WDR89: variants seen among roughly 807,000 people sequenced by gnomAD.
WDR89 encodes the protein WD repeat-containing protein 89.
WDR89 carries 17 observed loss-of-function variants against 29.1 expected under a neutral mutation model. The observed-to-expected ratio is 0.58, with a 90% confidence interval of 0.40 to 0.88. The LOEUF is 0.88. Among genes scored for constraint, WDR89 ranks in the 40% least tolerant of loss-of-function variants. WDR89 has a pLI of 0.00. For synonymous variants in WDR89, 138 were observed against 157.8 expected (o/e 0.87, Z 0.94); for missense variants, 396 against 456.3 (o/e 0.87, Z 1.20).
At chr14:63,610,163 T>G (rs924681800) in intron 2 of WDR89, among the ~76,000 whole-genome samples, 8 of 137,174 alleles carry the variant, frequency 5.8e-5, no homozygotes, top group Middle Eastern at 8.1e-3. Context: ...AAGGCTGCAG[T>G]GAGCCAAAGT....
At chr14:63,618,234 A>C (rs1306230759) in intron 2 of WDR89, 4 of 152,326 alleles carry the variant, frequency 2.6e-5, no homozygotes, top group Admixed American at 2.6e-4. Context: ...GCCTCACTAC[A>C]ATGTCAGCAT....
intron 1 of WDR89, among the ~76,000 whole-genome samples, chr14:63,635,283 A>G (rs1324246613): frequency 1.3e-5 from 2 of 152,190 alleles, no homozygotes; most frequent in Admixed American, 1.3e-4. Context: ...ATCCTCCATG[A>G]TCAAGTAGGT....
At chr14:63,632,827 T>C (rs987111163) in intron 1 of WDR89, among the ~76,000 whole-genome samples, 1 of 152,132 alleles carries the variant, frequency 6.6e-6, no homozygotes, top group African/African-American at 2.4e-5. Context: ...TCATTACCAT[T>C]CTCGGTTACC....
intron 1 of WDR89, among the ~76,000 whole-genome samples, chr14:63,625,356 T>A (rs752512258): frequency 2.5e-4 from 38 of 149,932 alleles, no homozygotes; most frequent in Admixed American, 3.9e-4. Flanking sequence ...ATTCTGTATC[T>A]TAATCAGGGT....
chr14:63,631,913 A>ACCAGCCTGG (rs1883429667), intron 1 of WDR89, among the ~76,000 whole-genome samples: 1 of 151,988 alleles, frequency 6.6e-6, no homozygotes, highest in African/African-American at 2.4e-5. Flanking sequence ...GGAGTTTGAG[A>ACCAGCCTGG]CCAGCCTGGC....
rs534380095 is a variant in WDR89, at chr14:63,625,053, C to T, written c.-137-20G>A. Reference sequence around the variant, plus strand: ...AAATACCTAGAAAAAAACAGAAATACGGGTAAGCTTAAGCACAAAAAAATA... The same window carrying T: ...AAATACCTAGAAAAAAACAGAAATATGGGTAAGCTTAAGCACAAAAAAATA... On this transcript the variant is annotated intron_variant, in intron 1 of 2. Coordinates refer to ENST00000620954, the MANE Select transcript of WDR89 (RefSeq NM_080666.4). 6.6e-6 allele frequency: 1 copy of T among 151,768 alleles called. No individual in the cohort carries two copies. Among genetic ancestry groups the T allele is most frequent in the Non-Finnish European group, 1.5e-5 (1 of 67,946 alleles). 9.4% of individuals were successfully genotyped at this position (151,768 alleles called of 1,614,324 possible).
At chr14:63,614,229 T>C (rs372769902) in intron 2 of WDR89, among the ~76,000 whole-genome samples, 3 of 151,968 alleles carry the variant, frequency 2.0e-5, no homozygotes, top group Admixed American at 6.6e-5. Flanking sequence ...ACCTGAAAAA[T>C]CTACTGGCAG....
chr14:63,623,594 CTTGGGAGG>C (rs1254240875), intron 2 of WDR89, among the ~76,000 whole-genome samples: 2 of 148,484 alleles, frequency 1.3e-5, no homozygotes, highest in Non-Finnish European at 3.0e-5. Flanking sequence ...ATCTCAGCTA[CTTGGGAGG>C]TTGGGGCAGG....
rs906542603 is a variant in WDR89, at chr14:63,601,803, T to C, written c.-31-1830A>G. 2.7e-6 allele frequency: 3 copies of C among 1,108,614 alleles called. No homozygotes were observed. In the African/African-American group the frequency reaches 4.6e-5, roughly 17 times the overall value. 68.7% of individuals were successfully genotyped at this position (1,108,614 alleles called of 1,614,324 possible). Reference sequence around the variant, plus strand: ...TAGAGATGGTGACGTTCTTGGAAAGTACGTAAACTGAAATAAGTCACTATT... The same window carrying C: ...TAGAGATGGTGACGTTCTTGGAAAGCACGTAAACTGAAATAAGTCACTATT... On this transcript the variant is annotated intron_variant, in intron 2 of 2. Coordinates refer to ENST00000620954, the MANE Select transcript of WDR89 (RefSeq NM_080666.4).
intron 2 of WDR89, among the ~76,000 whole-genome samples, chr14:63,616,203 A>G (rs1882294715): frequency 6.6e-6 from 1 of 151,592 alleles, no homozygotes; most frequent in East Asian, 2.0e-4. Context: ...TTGCAGCTGC[A>G]AGTTGAGCTG....
chr14:63,599,951 C>T lies in WDR89; in HGVS notation c.-9G>A. On this transcript the variant is annotated 5_prime_UTR_variant, in exon 3 of 3. Coordinates refer to ENST00000620954, the MANE Select transcript of WDR89 (RefSeq NM_080666.4). ...TCCTCAATCTTTTCCATGTCAACAG[C>T]AGCATCCAAGGGTAGTAAAACTCTG... 6.3e-7 allele frequency: 1 copy of T among 1,580,414 alleles called. No individual in the cohort carries two copies. The highest frequency in any genetic ancestry group is 1.8e-5 in the Admixed American group (1 of 55,774).
intron 2 of WDR89, among the ~76,000 whole-genome samples, chr14:63,615,315 T>A (rs1256912986): frequency 6.6e-6 from 1 of 152,144 alleles, no homozygotes; most frequent in Admixed American, 6.6e-5. Flanking sequence ...GAAACCAAAT[T>A]TCCCTAAGTC....
chr14:63,636,659 G>A (rs1333355489), intron 1 of WDR89, among the ~76,000 whole-genome samples: 2 of 152,142 alleles, frequency 1.3e-5, no homozygotes, highest in Admixed American at 1.3e-4. Flanking sequence ...AAAACATAAA[G>A]TGGGGAAAGG....
chr14:63,609,792 AAAAATAAAAT>A (rs1026032386), intron 2 of WDR89, among the ~76,000 whole-genome samples: 44 of 152,214 alleles, frequency 2.9e-4, no homozygotes, highest in African/African-American at 7.5e-4. Flanking sequence ...GTCTCAACAA[AAAAATAAAAT>A]AAAATAAAAT....
intron 1 of WDR89, among the ~76,000 whole-genome samples, chr14:63,638,725 A>G (rs937761547): frequency 5.9e-5 from 9 of 152,222 alleles, no homozygotes; most frequent in African/African-American, 2.2e-4. Flanking sequence ...TTATTTTCAC[A>G]GTAATAAGAA....
intron 1 of WDR89, among the ~76,000 whole-genome samples, chr14:63,634,640 C>T (rs984528936): frequency 6.6e-6 from 1 of 152,098 alleles, no homozygotes; most frequent in African/African-American, 2.4e-5. Flanking sequence ...GAGGCTGAGG[C>T]AGGCAGATCA....
intron 2 of WDR89, among the ~76,000 whole-genome samples, chr14:63,604,179 TG>T (rs1221276058): frequency 6.6e-6 from 1 of 152,118 alleles, no homozygotes; most frequent in African/African-American, 2.4e-5. Flanking sequence ...AATCCCAGCA[TG>T]TTGAGAAGCC....
At chr14:63,632,845 C>T (rs1883497464) in intron 1 of WDR89, among the ~76,000 whole-genome samples, 1 of 152,094 alleles carries the variant, frequency 6.6e-6, no homozygotes, top group South Asian at 2.1e-4. Flanking sequence ...ACCATGTCAG[C>T]CTCTGCACAT....
chr14:63,612,884 C>T (rs374404001), intron 2 of WDR89, among the ~76,000 whole-genome samples: 10 of 152,040 alleles, frequency 6.6e-5, no homozygotes, highest in African/African-American at 2.2e-4. Context: ...AGAAGCAGCC[C>T]GTAAGAGTGG....
Sources: gnomAD v4.1 joint callset for allele counts (sites outside exome capture counted in the v4.1 genomes callset) on GRCh38, gnomAD v4.1.1 for gene constraint, MANE v1.5 for transcripts, NCBI Gene and HGNC (gene_info 2026-07-23, HGNC 2026-07-21) for gene names.